The following TLR4 variants were observed in gnomAD, a reference collection of about 807,000 sequenced individuals.
TLR4 encodes toll-like receptor 4.
TLR4 carries 17 observed loss-of-function variants against 27.4 expected under a neutral mutation model. The observed-to-expected ratio is 0.62, with a 90% CI of 0.42 to 0.93. The LOEUF is 0.93. Among genes scored for constraint, TLR4 ranks in the 40% least tolerant of loss-of-function variants. TLR4 has a pLI of 0.00. For synonymous variants in TLR4, 363 were observed against 365.7 expected, an observed-to-expected ratio of 0.99 and a Z score of 0.08; for missense variants, 926 against 962.3, an observed-to-expected ratio of 0.96 and a Z score of 0.50.
intron 1 of TLR4, chr9:117,708,290 T>C: frequency 8.1e-7 from 1 of 1,230,830 alleles, no homozygotes. Flanking sequence ...CCATTGCTTC[T>C]TGCTAAATGC....
At chr9:117,704,617 C>A (rs1248674217) in intron 1 of TLR4, 52 bp downstream of exon 1, 2 of 1,480,752 alleles carry the variant, frequency 1.4e-6, no homozygotes, top group African/African-American at 1.4e-5. Flanking sequence ...CTGCCCAGAA[C>A]TTCTCACTGT....
Position 117,712,511 on chromosome 9 carries a change from TA to T in TLR4, c.384del (p.Leu128PhefsTer11). 6.2e-7 allele frequency: 1 copy of T among 1,614,008 alleles called. No individual in the cohort carries two copies. Among genetic ancestry groups the T allele is most frequent in the Non-Finnish European group, 8.5e-7 (1 of 1,179,960 alleles). On this transcript the variant is annotated frameshift_variant, in exon 3 of 3. Transcript: ENST00000355622. LOFTEE classifies it low-confidence loss of function (END_TRUNC). The stretch of plus-strand genomic sequence containing the variant: ...GGAGCCTTTTCTGGACTATCAAGTT[TA>T]CAGAAGCTGGTGGCTGTGGAGACAA... Reference protein sequence around the residue: ...ALGAFSGLSSLQKLVAVETNL... With the variant: ...ALGAFSGLSSXQKLVAVETNL...
intron 2 of TLR4, among the ~76,000 whole-genome samples, chr9:117,710,486 C>T (rs1927907): frequency 0.18 from 26,893 of 150,886 alleles, 2,659 homozygotes; most frequent in African/African-American, 0.24. Context: ...TAGTTTTTCA[C>T]CAAACAATGT....
chr9:117,708,613 C>T lies in TLR4; in HGVS notation c.144C>T (p.Ile48=). 1 of 1,613,950 alleles carries T rather than the reference C, an allele frequency of 6.2e-7. No homozygotes were observed. Residue 48 remains isoleucine, a synonymous_variant, in exon 2 of 3, where the codon ATC becomes ATT. Transcript: ENST00000355622. ...GCATGGAGCTGAATTTCTACAAAAT[C>T]CCCGACAACCTCCCCTTCTCAACCA... ...YQCMELNFYK[I]PDNLPFSTKN...
intron 1 of TLR4, among the ~76,000 whole-genome samples, chr9:117,706,951 C>A (rs1829145502): frequency 1.3e-5 from 2 of 152,202 alleles, no homozygotes; most frequent in African/African-American, 4.8e-5. Flanking sequence ...CTTAAGTAAA[C>A]CTTCATTTAA....
At position 117,724,417 on chromosome 9, in the gene TLR4, G is replaced by A. The variant is rs1281919421; in HGVS notation, c.*9769G>A. ...AGTTAGTTCTTGCTTAGTAAGTCTT[G>A]TCTTTCTCTCTGCTTTGACCTGTCA... On this transcript the variant is annotated 3_prime_UTR_variant, in exon 3 of 3. Coordinates refer to ENST00000355622, the MANE Select transcript of TLR4 (RefSeq NM_138554.5). 1.3e-5 allele frequency: 2 copies of A among 152,156 alleles called. No individual in the cohort carries two copies. The highest frequency in any genetic ancestry group is 2.4e-5 in the African/African-American group (1 of 41,426). The allele number at this position is 152,156 out of a possible 1,614,324, so 9.4% of individuals were successfully genotyped here.
chr9:117,708,299 G>A, intron 1 of TLR4: 1 of 1,248,402 alleles, frequency 8.0e-7, no homozygotes, highest in Non-Finnish European at 1.0e-6. Flanking sequence ...CTTGCTAAAT[G>A]CTGCCGTTTT....
Position 117,712,540 on chromosome 9 carries a change from C to G in TLR4, c.412C>G (p.Leu138Val). The G allele has an allele frequency of 1.2e-6, 2 of 1,613,970 alleles. No homozygotes were observed. Among genetic ancestry groups the G allele is most frequent in the Non-Finnish European group, 1.7e-6 (2 of 1,179,948 alleles). The change falls in exon 3 of 3, where the codon CTA becomes GTA. Residue 138 changes from leucine to valine, a missense_variant. Transcript: ENST00000355622. The stretch of plus-strand genomic sequence containing the variant: ...GAAGCTGGTGGCTGTGGAGACAAAT[C>G]TAGCATCTCTAGAGAACTTCCCCAT... ...LQKLVAVETNLASLENFPIGH... is the reference protein window; with the variant it reads ...LQKLVAVETNVASLENFPIGH...
At chr9:117,708,775 G>C in intron 2 of TLR4, 46 bp downstream of exon 2, 1 of 1,610,594 alleles carries the variant, frequency 6.2e-7, no homozygotes, top group Non-Finnish European at 8.5e-7. Flanking sequence ...GGTGTTCATT[G>C]TCCTGTCATT....
Position 117,708,705 on chromosome 9 carries a change from A to G in TLR4, c.236A>G (p.Glu79Gly). 2.5e-6 allele frequency: 4 copies of G among 1,613,866 alleles called. No individual in the cohort carries two copies. Among genetic ancestry groups the G allele is most frequent in the Non-Finnish European group, 3.4e-6 (4 of 1,179,808 alleles). Residue 79 changes from glutamate (E) to glycine (G), a missense_variant, in exon 2 of 3, where the codon GAA (glutamate) becomes GGA (glycine). Transcript: ENST00000355622. Reference protein sequence around the residue: ...LGSYSFFSFPELQVLDLSRCE... With the variant: ...LGSYSFFSFPGLQVLDLSRCE... ...AGCTATAGCTTCTTCAGTTTCCCAGAACTGCAGGTGCTGGATTTATCCAGG... is the reference window on the plus strand; with the variant it reads ...AGCTATAGCTTCTTCAGTTTCCCAGGACTGCAGGTGCTGGATTTATCCAGG...
chr9:117,713,475 CA>C lies in TLR4; in HGVS notation c.1348del (p.Ile450PhefsTer27), dbSNP rs766512785. On this transcript the variant is annotated frameshift_variant, in exon 3 of 3. Transcript: ENST00000355622. LOFTEE classifies it low-confidence loss of function (END_TRUNC). ...FSVFLSLRNLIYLDISHTHTR... is the reference protein window; with the variant it reads ...FSVFLSLRNLXYLDISHTHTR... ...CAGTATTCCTATCACTCAGAAACCT[CA>C]TTTACCTTGACATTTCTCATACTCA... 2 of 1,614,098 alleles carry C rather than the reference CA, an allele frequency of 1.2e-6. No homozygotes were observed. The highest frequency in any genetic ancestry group is 1.7e-6 in the Non-Finnish European group (2 of 1,180,008).
At chr9:117,710,357 T>C (rs1322537505) in intron 2 of TLR4, among the ~76,000 whole-genome samples, 1 of 152,118 alleles carries the variant, frequency 6.6e-6, no homozygotes, top group Non-Finnish European at 1.5e-5. Flanking sequence ...CTTAGGATAA[T>C]GGCTACTAGC....
intron 1 of TLR4, among the ~76,000 whole-genome samples, chr9:117,707,840 G>A (rs1361282815): frequency 6.6e-6 from 1 of 152,182 alleles, no homozygotes; most frequent in Non-Finnish European, 1.5e-5. Context: ...TTGACTGCCA[G>A]ACAGTCTCCC....
intron 2 of TLR4, among the ~76,000 whole-genome samples, chr9:117,711,770 T>C (rs568989192): frequency 6.6e-6 from 1 of 152,330 alleles, no homozygotes; most frequent in East Asian, 1.9e-4. Context: ...TGTGAACTCT[T>C]ATAGCACATA....
chr9:117,710,638 A>G (rs146757972), intron 2 of TLR4, among the ~76,000 whole-genome samples: 3 of 152,204 alleles, frequency 2.0e-5, no homozygotes, highest in Middle Eastern at 3.4e-3. Context: ...AAAAGATAGC[A>G]CAATAGACAT....
rs1222400337 is a variant in TLR4, at chr9:117,715,471, A to C, written c.*823A>C. 1 of 152,172 alleles carries C rather than the reference A, an allele frequency of 6.6e-6. No individual in the cohort carries two copies. Among genetic ancestry groups the C allele is most frequent in the Non-Finnish European group, 1.5e-5 (1 of 68,022 alleles). The allele number at this position is 152,172 out of a possible 1,614,324, so 9.4% of individuals were successfully genotyped here. A position where few individuals can be genotyped will look rare whatever the true frequency, so the allele number is the denominator to read the frequency against. On this transcript the variant is annotated 3_prime_UTR_variant, in exon 3 of 3. Transcript: ENST00000355622. Reference sequence around the variant, plus strand: ...ACTAAGTAATGACTGTCATGAAAGCAGCATTGAAATAATTTGTTTAAAGGG... The same window carrying C: ...ACTAAGTAATGACTGTCATGAAAGCCGCATTGAAATAATTTGTTTAAAGGG...
Position 117,712,682 on chromosome 9 carries a change from A to G in TLR4, c.554A>G (p.Asn185Ser), listed in dbSNP as rs1296130154. ...TNLEHLDLSS[N>S]KIQSIYCTDL... Reference sequence around the variant, plus strand: ...CTAGAGCACTTGGACCTTTCCAGCAACAAGATTCAAAGTATTTATTGCACA... The same window carrying G: ...CTAGAGCACTTGGACCTTTCCAGCAGCAAGATTCAAAGTATTTATTGCACA... The change falls in exon 3 of 3, where the codon AAC becomes AGC. Residue 185 changes from asparagine (N) to serine (S), a missense_variant. By Grantham distance (46) the Asn-to-Ser change is conservative. Transcript: ENST00000355622. The G allele has an allele frequency of 1.2e-6, 2 of 1,614,110 alleles. No individual in the cohort carries two copies. Among genetic ancestry groups the G allele is most frequent in the Non-Finnish European group, 8.5e-7 (1 of 1,179,998 alleles).
Position 117,714,623 on chromosome 9 carries a change from A to G in TLR4, c.2495A>G (p.Asn832Ser). ...GAAGGAACAGTGGGTACAGGATGCA[A>G]TTGGCAGGAAGCAACATCTATCTGA... ...NPEGTVGTGC[N>S]WQEATSI The change falls in exon 3 of 3, where the codon AAT (asparagine) becomes AGT (serine). Residue 832 changes from asparagine to serine, a missense_variant. Transcript: ENST00000355622. The G allele has an allele frequency of 6.2e-7, 1 of 1,613,274 alleles. No individual in the cohort carries two copies. Among genetic ancestry groups the G allele is most frequent in the South Asian group, 1.1e-5 (1 of 91,048 alleles).
intron 1 of TLR4, 162 bp from the exon 2 acceptor site, chr9:117,708,401 G>A: frequency 6.7e-7 from 1 of 1,489,300 alleles, no homozygotes; most frequent in South Asian, 1.3e-5. Flanking sequence ...TGAGTGAATG[G>A]ATGGATGGAT....
Sources: allele counts gnomAD v4.1 joint callset (sites outside exome capture counted in the v4.1 genomes callset), GRCh38; gene constraint gnomAD v4.1.1; transcripts MANE v1.5; gene names NCBI Gene and HGNC (gene_info 2026-07-23, HGNC 2026-07-21).